The following DNAH6 variants were observed in gnomAD, a reference collection of about 807,000 sequenced individuals.
DNAH6 encodes the protein axonemal beta dynein heavy chain 6.
DNAH6 carries 340 observed loss-of-function variants against 491.4 expected under a neutral mutation model. That is an observed-to-expected ratio of 0.69 (90% CI 0.63 to 0.76). DNAH6 has a LOEUF of 0.76. Ranked by LOEUF, DNAH6 falls within the 30% of genes least tolerant of loss-of-function variation. The probability of loss-of-function intolerance (pLI) is 0.00; values close to 1 mark genes in which losing one functional copy is unlikely to be tolerated. For synonymous variants in DNAH6, 1,603 were observed against 1,686.1 expected (o/e 0.95, Z 1.21); for missense variants, 4,443 against 4,972.2 (o/e 0.89, Z 3.20).
intron 29 of DNAH6, among the ~76,000 whole-genome samples, chr2:84,631,800 G>C (rs1423791371): frequency 1.3e-5 from 2 of 152,132 alleles, no homozygotes; most frequent in African/African-American, 2.4e-5. Flanking sequence ...AACTGTGAGA[G>C]AATAATTTTC....
chr2:84,766,459 G>A (rs114505939), intron 64 of DNAH6, among the ~76,000 whole-genome samples: 4,969 of 152,228 alleles, frequency 0.033, 117 homozygotes, highest in Non-Finnish European at 0.047. Context: ...GGGAATTTCC[G>A]TAAGTGGAAG....
chr2:84,518,019 A>G lies in DNAH6; in HGVS notation c.193A>G (p.Lys65Glu). The G allele has an allele frequency of 6.4e-7, 1 of 1,551,010 alleles. No homozygotes were observed. The highest frequency in any genetic ancestry group is 8.7e-7 in the Non-Finnish European group (1 of 1,146,860). The part of the protein sequence containing the change: ...HITKAQEKTR[K>E]RQQPIKLEPL... ...TACAAAAGCTCAGGAGAAGACAAGA[A>G]AACGACAGCAGCCTATAAAACTAGA... The change falls in exon 2 of 77, where the codon AAA (lysine) becomes GAA (glutamate). Residue 65 changes from lysine (K) to glutamate (E), a missense_variant. By Grantham distance (56) the Lys-to-Glu change is moderately conservative. Coordinates refer to ENST00000389394, the MANE Select transcript of DNAH6 (RefSeq NM_001370.2).
intron 62 of DNAH6, among the ~76,000 whole-genome samples, chr2:84,741,605 ATCTCAG>A (rs1314270582): frequency 3.3e-5 from 5 of 152,174 alleles, no homozygotes. Context: ...GTCAACTCAT[ATCTCAG>A]TCTCAACAGC....
the DNAH6 span, among the ~76,000 whole-genome samples, chr2:84,480,543 C>G: frequency 6.6e-6 from 1 of 152,124 alleles, no homozygotes; most frequent in Non-Finnish European, 1.5e-5. Flanking sequence ...ATGTCAAGCA[C>G]GTAGAAGAGA....
intron 63 of DNAH6, among the ~76,000 whole-genome samples, chr2:84,760,320 T>A (rs568902108): frequency 6.0e-4 from 92 of 152,104 alleles, no homozygotes; most frequent in African/African-American, 2.1e-3. Context: ...GGGACTTAAT[T>A]ATCTAAGAAG....
intron 72 of DNAH6, among the ~76,000 whole-genome samples, chr2:84,808,748 A>C (rs1679682231): frequency 6.6e-6 from 1 of 152,220 alleles, no homozygotes; most frequent in South Asian, 2.1e-4. Context: ...GTGAATATGT[A>C]ACATTACAAA....
chr2:84,611,843 C>T lies in DNAH6; in HGVS notation c.3464C>T (p.Ala1155Val), dbSNP rs561373041. 10 of 1,550,584 alleles carry T rather than the reference C, an allele frequency of 6.4e-6. No individual in the cohort carries two copies. The East Asian group carries it at 2.4e-4, about 38-fold the overall frequency. The change falls in exon 22 of 77, where the codon GCT becomes GTT. Residue 1155 changes from alanine to valine, a missense_variant. Ala to Val is a moderately conservative substitution (Grantham distance 64, BLOSUM62 0). Transcript: ENST00000389394. ...VNRLPNALRA[A>V]TQPGLLETFQ... ...CGGCTGCCTAATGCTCTTCGAGCCG[C>T]TACTCAGCCAGGTATGAAACAAAAT...
At chr2:84,679,785 G>A (rs1390780166) in intron 41 of DNAH6, among the ~76,000 whole-genome samples, 2 of 152,078 alleles carry the variant, frequency 1.3e-5, no homozygotes, top group Non-Finnish European at 2.9e-5. Context: ...CCTTCCATAC[G>A]CCTGATATTG....
At chr2:84,604,708 T>C (rs12620723) in intron 19 of DNAH6, among the ~76,000 whole-genome samples, 157 bp downstream of exon 19, 1 of 152,162 alleles carries the variant, frequency 6.6e-6, no homozygotes, top group South Asian at 2.1e-4. Context: ...GATATTACTG[T>C]TATCACCTCT....
chr2:84,712,368 G>A (rs1425271132), intron 56 of DNAH6, among the ~76,000 whole-genome samples: 1 of 152,152 alleles, frequency 6.6e-6, no homozygotes, highest in Non-Finnish European at 1.5e-5. Flanking sequence ...AAGCCCCTGG[G>A]CCATGGGACC....
chr2:84,470,764 G>A, the DNAH6 span, among the ~76,000 whole-genome samples: 5 of 152,102 alleles, frequency 3.3e-5, no homozygotes, highest in Non-Finnish European at 7.4e-5. Flanking sequence ...CCTGTTTGTT[G>A]GGGTGATCAC....
the DNAH6 span, among the ~76,000 whole-genome samples, chr2:84,465,366 G>T: frequency 6.6e-6 from 1 of 152,046 alleles, no homozygotes; most frequent in South Asian, 2.1e-4. Flanking sequence ...GTGGTGGCAG[G>T]CACCTGTAGT....
the DNAH6 span, among the ~76,000 whole-genome samples, chr2:84,480,696 C>T: frequency 6.6e-6 from 1 of 152,208 alleles, no homozygotes; most frequent in Non-Finnish European, 1.5e-5. Context: ...GGTGCGGTGG[C>T]TCACGCCTGT....
chr2:84,681,034 A>C (rs2104727545), intron 41 of DNAH6, among the ~76,000 whole-genome samples: 1 of 152,228 alleles, frequency 6.6e-6, no homozygotes, highest in East Asian at 1.9e-4. Flanking sequence ...GTTTCTGTTC[A>C]TTTCCAGGTG....
intron 59 of DNAH6, among the ~76,000 whole-genome samples, chr2:84,720,472 G>C (rs1453745635): frequency 6.6e-6 from 1 of 151,020 alleles, no homozygotes; most frequent in Non-Finnish European, 1.5e-5. Context: ...TAGAGACGGG[G>C]TTTCACCGTT....
At chr2:84,482,024 G>A in the DNAH6 span, among the ~76,000 whole-genome samples, 8 of 152,114 alleles carry the variant, frequency 5.3e-5, no homozygotes, top group East Asian at 1.9e-4. Context: ...CCCTGCAGCC[G>A]TTTTCAAAGG....
intron 11 of DNAH6, among the ~76,000 whole-genome samples, chr2:84,559,997 T>TA (rs1439799876): frequency 3.9e-5 from 6 of 151,902 alleles, no homozygotes; most frequent in Admixed American, 3.9e-4. Flanking sequence ...GAAAATAAGA[T>TA]AGAGAAATCA....
At chr2:84,758,609 T>G (rs1296440634) in intron 63 of DNAH6, among the ~76,000 whole-genome samples, 1 of 151,742 alleles carries the variant, frequency 6.6e-6, no homozygotes, top group Non-Finnish European at 1.5e-5. Context: ...ATCAAGTGGG[T>G]TTTATCCAGG....
At chr2:84,787,698 T>C (rs1677342007) in intron 68 of DNAH6, among the ~76,000 whole-genome samples, 1 of 152,184 alleles carries the variant, frequency 6.6e-6, no homozygotes, top group African/African-American at 2.4e-5. Flanking sequence ...GGCCAAGATT[T>C]GAACCCAAAC....
Sources: gnomAD v4.1 joint callset for allele counts (sites outside exome capture counted in the v4.1 genomes callset) on GRCh38, gnomAD v4.1.1 for gene constraint, MANE v1.5 for transcripts, NCBI Gene and HGNC (gene_info 2026-07-23, HGNC 2026-07-21) for gene names.